PPP4R3A: variants seen among roughly 807,000 people sequenced by gnomAD.
The protein encoded by PPP4R3A is protein phosphatase 4 regulatory subunit 3A.
PPP4R3A carries 15 observed loss-of-function variants against 91.7 expected under a neutral mutation model. The observed-to-expected ratio is 0.16, with a 90% CI of 0.11 to 0.25. The LOEUF (loss-of-function observed/expected upper bound fraction) is 0.25. Ranked by LOEUF, PPP4R3A falls within the 10% of genes least tolerant of loss-of-function variation. The pLI is 1.00. For synonymous variants in PPP4R3A, 377 were observed against 348.7 expected, an observed-to-expected ratio of 1.08 and a Z score of -0.91; for missense variants, 623 against 998.4, an observed-to-expected ratio of 0.62 and a Z score of 5.07.
At chr14:91,473,779 T>A (rs1276898339) in intron 7 of PPP4R3A, among the ~76,000 whole-genome samples, 1 of 152,242 alleles carries the variant, frequency 6.6e-6, no homozygotes, top group Non-Finnish European at 1.5e-5. Flanking sequence ...TATTTTTATT[T>A]TATTTTTTTG....
At chr14:91,508,417 A>C (rs2140180859) in intron 1 of PPP4R3A, among the ~76,000 whole-genome samples, 1 of 152,332 alleles carries the variant, frequency 6.6e-6, no homozygotes, top group South Asian at 2.1e-4. Flanking sequence ...ATTAGTTTGC[A>C]ATAATTCAGA....
chr14:91,469,409 A>G (rs1042495007), intron 10 of PPP4R3A, among the ~76,000 whole-genome samples: 3 of 152,218 alleles, frequency 2.0e-5, no homozygotes, highest in African/African-American at 7.2e-5. Flanking sequence ...TCAACATAAA[A>G]GAACAAGTCA....
Position 91,490,822 on chromosome 14 carries a change from A to T in PPP4R3A, c.143-20T>A, listed in dbSNP as rs758416441. The T allele has an allele frequency of 6.3e-7, 1 of 1,587,008 alleles. No homozygotes were observed. The highest frequency in any genetic ancestry group is 1.4e-5 in the African/African-American group (1 of 73,950). On this transcript the variant is annotated intron_variant, in intron 1 of 14. Transcript: ENST00000554943. Reference sequence around the variant, plus strand: ...GAGAACCTAGGAAACAGAAAAAGACATTCCATTATGTTACTGTAAAACAGC... The same window carrying T: ...GAGAACCTAGGAAACAGAAAAAGACTTTCCATTATGTTACTGTAAAACAGC...
chr14:91,495,302 A>ATGTGTGTGTGTG (rs60663799), intron 1 of PPP4R3A, among the ~76,000 whole-genome samples: 22,481 of 140,842 alleles, frequency 0.16, 2,204 homozygotes, highest in Non-Finnish European at 0.23. Context: ...CAGATACATA[A>ATGTGTGTGTGTG]TGTGTGTGTG....
At chr14:91,509,454 G>C in intron 1 of PPP4R3A, 52 bp downstream of exon 1, 1 of 1,540,758 alleles carries the variant, frequency 6.5e-7, no homozygotes, top group Non-Finnish European at 8.7e-7. Flanking sequence ...CCAGGGAGGC[G>C]GCCCAGGGCC....
chr14:91,504,718 G>A lies in PPP4R3A; in HGVS notation c.142+4788C>T, dbSNP rs551186266. On this transcript the variant is annotated intron_variant, in intron 1 of 14. Coordinates refer to ENST00000554943, the MANE Select transcript of PPP4R3A (RefSeq NM_001366432.2). ...AGAAATGGGCCCAGAAGCTTAGTGG[G>A]ACATCCCTTTTCCTCTAAAGCAAGG... Among the ~76,000 whole-genome samples, 17 of 152,300 alleles carry A rather than the reference G, an allele frequency of 1.1e-4. No individual in the cohort carries two copies. In the East Asian group the frequency reaches 3.3e-3, roughly 29 times the overall value.
Position 91,509,816 on chromosome 14 carries a change from A to C in PPP4R3A, c.-169T>G, listed in dbSNP as rs1198495850. ...CGCCGCCGCCTGCATGGCCCGCTCCAGGGACCGAGCTCTGGGCCGCCGCCT... is the reference window on the plus strand; with the variant it reads ...CGCCGCCGCCTGCATGGCCCGCTCCCGGGACCGAGCTCTGGGCCGCCGCCT... On this transcript the variant is annotated 5_prime_UTR_variant, in exon 1 of 15. Transcript: ENST00000554943. The C allele has an allele frequency of 8.3e-7, 1 of 1,207,936 alleles. No homozygotes were observed. Among genetic ancestry groups the C allele is most frequent in the Non-Finnish European group, 1.0e-6 (1 of 976,028 alleles). 74.8% of individuals were successfully genotyped at this position (1,207,936 alleles called of 1,614,324 possible).
At position 91,490,478 on chromosome 14, in the gene PPP4R3A, CCTTT is replaced by C. The variant is rs537387724; in HGVS notation, c.198+265_198+268del. Among the ~76,000 whole-genome samples, 345 of 149,048 alleles carry C rather than the reference CCTTT, an allele frequency of 2.3e-3. 3 individuals are homozygous for C. Among genetic ancestry groups the C allele is most frequent in the Non-Finnish European group, 3.9e-3 (265 of 67,918 alleles). The stretch of plus-strand genomic sequence containing the variant: ...TAGCAGCTTATCACATCAATGGTCA[CCTTT>C]TTTTTTTAGGTAAAAACAAGGAAAT... On this transcript the variant is annotated intron_variant, in intron 2 of 14. Coordinates refer to ENST00000554943, the MANE Select transcript of PPP4R3A (RefSeq NM_001366432.2).
intron 10 of PPP4R3A, among the ~76,000 whole-genome samples, chr14:91,466,940 AACACAC>A (rs10525073): frequency 6.8e-6 from 1 of 147,470 alleles, no homozygotes; most frequent in Non-Finnish European, 1.5e-5. Context: ...GTCCTACCAT[AACACAC>A]ACACACACAC....
At chr14:91,467,834 C>G (rs1888567832) in intron 10 of PPP4R3A, among the ~76,000 whole-genome samples, 2 of 152,182 alleles carry the variant, frequency 1.3e-5, no homozygotes, top group Admixed American at 1.3e-4. Flanking sequence ...CAAACTGTTA[C>G]ATTTAATTGC....
At chr14:91,462,663 T>A (rs1888232525) in intron 12 of PPP4R3A, 72 bp downstream of exon 12, 1 of 1,539,892 alleles carries the variant, frequency 6.5e-7, no homozygotes, top group Non-Finnish European at 8.9e-7. Flanking sequence ...CCAAATAATA[T>A]CAAATAAACA....
Position 91,508,679 on chromosome 14 carries a change from T to G in PPP4R3A, c.142+827A>C, listed in dbSNP as rs559364309. 3.9e-5 allele frequency among the ~76,000 whole-genome samples: 6 copies of G among 152,328 alleles called. No individual in the cohort carries two copies. In the South Asian group the frequency reaches 1.2e-3, roughly 32 times the overall value. On this transcript the variant is annotated intron_variant, in intron 1 of 14. Transcript: ENST00000554943. The stretch of plus-strand genomic sequence containing the variant: ...GAAAAAAGAAAAAACGTGAAACACT[T>G]ATTTTCAAACAACTTAGTCTTTGAA...
At chr14:91,473,408 A>G (rs550189446) in intron 7 of PPP4R3A, 38 bp from the exon 8 acceptor site, 3 of 1,581,310 alleles carry the variant, frequency 1.9e-6, no homozygotes, top group African/African-American at 1.4e-5. Context: ...ATCACTTATT[A>G]TGAGAGAACG....
At chr14:91,471,981 C>G (rs1324927826) in intron 9 of PPP4R3A, among the ~76,000 whole-genome samples, 1 of 148,260 alleles carries the variant, frequency 6.7e-6, no homozygotes, top group African/African-American at 2.5e-5. Context: ...AGGAGAATTG[C>G]TCAAACCTGG....
intron 4 of PPP4R3A, among the ~76,000 whole-genome samples, chr14:91,479,582 T>C (rs1889430225): frequency 6.6e-6 from 1 of 152,024 alleles, no homozygotes; most frequent in South Asian, 2.1e-4. Flanking sequence ...TCACTCCTGT[T>C]GCCCAGGCTA....
chr14:91,491,641 G>A (rs1343409801), intron 1 of PPP4R3A, among the ~76,000 whole-genome samples: 3 of 151,402 alleles, frequency 2.0e-5, no homozygotes, highest in East Asian at 2.0e-4. Context: ...TCTTGACCTC[G>A]TGATCCACCA....
At position 91,475,925 on chromosome 14, in the gene PPP4R3A, T is replaced by C. The variant is rs766082516; in HGVS notation, c.1152A>G (p.Ile384Met). ...GATTATATTCAACCAAGTATGAGAA[T>C]ATATCAGTAGCAGCACTTCGCACCT... is the stretch of plus-strand genomic sequence containing the variant. ...DTQVRSAATD[I>M]FSYLVEYNPS... Residue 384 changes from isoleucine (I) to methionine (M), a missense_variant, in exon 7 of 15, where the codon ATA (isoleucine) becomes ATG (methionine). Coordinates refer to ENST00000554943, the MANE Select transcript of PPP4R3A (RefSeq NM_001366432.2). 1.2e-6 allele frequency: 2 copies of C among 1,610,542 alleles called. No homozygotes were observed. Among genetic ancestry groups the C allele is most frequent in the Non-Finnish European group, 1.7e-6 (2 of 1,179,256 alleles).
At chr14:91,464,480 A>G (rs12888580) in intron 11 of PPP4R3A, among the ~76,000 whole-genome samples, 7,972 of 152,230 alleles carry the variant, frequency 0.052, 815 homozygotes, top group East Asian at 0.44. Context: ...AAAAAGCACG[A>G]CATCCAGGTA....
intron 10 of PPP4R3A, among the ~76,000 whole-genome samples, chr14:91,466,823 T>C (rs1255137309): frequency 1.3e-5 from 2 of 152,180 alleles, no homozygotes; most frequent in Admixed American, 6.5e-5. Flanking sequence ...ATCAGTACTT[T>C]AGAGCTCATG....
Sources: gnomAD v4.1 joint callset for allele counts (sites outside exome capture counted in the v4.1 genomes callset) on GRCh38, gnomAD v4.1.1 for gene constraint, MANE v1.5 for transcripts, NCBI Gene and HGNC (gene_info 2026-07-23, HGNC 2026-07-21) for gene names.